CMIP: variants seen among roughly 807,000 people sequenced by gnomAD.
CMIP encodes the protein c-Maf inducing protein.
A neutral mutation model predicts 97.3 loss-of-function variants in CMIP; 13 were observed. That is an observed-to-expected ratio of 0.13 (90% CI 0.09 to 0.21). CMIP has a LOEUF of 0.21. Ranked by LOEUF, CMIP falls within the 10% of genes least tolerant of loss-of-function variation. CMIP has a pLI of 1.00. For missense variants in CMIP, 847 were observed against 1,024.9 expected (o/e 0.83, Z 2.37); for synonymous variants, 538 against 436.3 (o/e 1.23, Z -2.91).
At chr16:81,624,056 T>G (rs1030443806) in intron 3 of CMIP, among the ~76,000 whole-genome samples, 1 of 152,174 alleles carries the variant, frequency 6.6e-6, no homozygotes, top group African/African-American at 2.4e-5. Flanking sequence ...CCTCTTTATT[T>G]ACAACCACCT....
intron 1 of CMIP, among the ~76,000 whole-genome samples, chr16:81,549,858 A>G (rs1271072036): frequency 2.0e-5 from 3 of 152,154 alleles, no homozygotes; most frequent in African/African-American, 7.2e-5. Flanking sequence ...GCGCGTGCAT[A>G]TGCCAGTGTG....
At chr16:81,479,401 C>G (rs1157242689) in intron 1 of CMIP, among the ~76,000 whole-genome samples, 1 of 152,114 alleles carries the variant, frequency 6.6e-6, no homozygotes, top group Admixed American at 6.5e-5. Flanking sequence ...GTGTGCAGTT[C>G]ATTGAGTACG....
intron 16 of CMIP, among the ~76,000 whole-genome samples, 187 bp from the exon 17 acceptor site, chr16:81,702,435 C>A (rs1034316505): frequency 6.6e-6 from 1 of 152,110 alleles, no homozygotes; most frequent in Non-Finnish European, 1.5e-5. Flanking sequence ...TTCTTGGGAT[C>A]ACCCTCCAGT....
intron 1 of CMIP, among the ~76,000 whole-genome samples, chr16:81,557,586 G>A (rs2966113): frequency 0.79 from 119,618 of 152,134 alleles, 49,993 homozygotes; most frequent in Non-Finnish European, 0.91. Context: ...GGACTAGGCA[G>A]CACAGTGAGA....
chr16:81,628,003 C>T (rs2092098147), intron 3 of CMIP, among the ~76,000 whole-genome samples: 1 of 152,142 alleles, frequency 6.6e-6, no homozygotes, highest in African/African-American at 2.4e-5. Flanking sequence ...GATCCATCAC[C>T]CTCATCCCCA....
At chr16:81,502,837 A>G (rs1165433840) in intron 1 of CMIP, among the ~76,000 whole-genome samples, 2 of 152,200 alleles carry the variant, frequency 1.3e-5, no homozygotes, top group Non-Finnish European at 2.9e-5. Flanking sequence ...GTATTTAGAA[A>G]TTTCCATTCC....
rs1020147885 is a variant in CMIP, at chr16:81,616,973, C to T, written c.427-3903C>T. ...GGCCCAGGAGGAGAGATCTGTCAGC[C>T]ATCCCTGCCAACAACTCAGCAGTGG... On this transcript the variant is annotated intron_variant, in intron 2 of 20. Coordinates refer to ENST00000537098, the MANE Select transcript of CMIP (RefSeq NM_198390.3). This position sits in a 1 kb window ranked among gnomAD's most constrained non-coding sequence, Gnocchi z 4.7. 1.3e-5 allele frequency: 2 copies of T among 152,714 alleles called. No individual in the cohort carries two copies. The highest frequency in any genetic ancestry group is 2.9e-5 in the Non-Finnish European group (2 of 68,426). The allele number at this position is 152,714 out of a possible 1,614,324, so 9.5% of individuals were successfully genotyped here. A position where few individuals can be genotyped will look rare whatever the true frequency, so the allele number is the denominator to read the frequency against.
At chr16:81,465,741 A>G (rs974826985) in intron 1 of CMIP, among the ~76,000 whole-genome samples, 3 of 152,160 alleles carry the variant, frequency 2.0e-5, no homozygotes, top group Non-Finnish European at 4.4e-5. Flanking sequence ...CAGCACGGTG[A>G]GCTGTCCTTG....
Position 81,658,870 on chromosome 16 carries a change from C to T in CMIP, c.681+1054C>T, listed in dbSNP as rs79586109. The stretch of plus-strand genomic sequence containing the variant: ...ACTAGGCCCCTCACGCTCCTCTAGC[C>T]GAATCAGGGCCTTGGGGGACCCACT... On this transcript the variant is annotated intron_variant, in intron 5 of 20. Transcript: ENST00000537098. 5.8e-3 allele frequency among the ~76,000 whole-genome samples: 888 copies of T among 152,312 alleles called. 2 individuals carry two copies. Among genetic ancestry groups the T allele is most frequent in the Non-Finnish European group, 9.6e-3 (654 of 68,028 alleles).
chr16:81,707,231 G>C (rs1908251658), intron 20 of CMIP, 147 bp downstream of exon 20: 9 of 709,828 alleles, frequency 1.3e-5, no homozygotes, highest in Admixed American at 2.3e-5. Flanking sequence ...AGATCAAAAA[G>C]AGTGACAAAG....
chr16:81,520,829 A>G (rs1274991538), intron 1 of CMIP, among the ~76,000 whole-genome samples: 1 of 152,164 alleles, frequency 6.6e-6, no homozygotes, highest in African/African-American at 2.4e-5. Flanking sequence ...AATTAGGTTT[A>G]TAAGAAGGGT....
intron 1 of CMIP, among the ~76,000 whole-genome samples, chr16:81,487,332 T>C (rs909658252): frequency 2.0e-5 from 3 of 152,186 alleles, no homozygotes; most frequent in African/African-American, 7.2e-5. Flanking sequence ...CCTGGATTCC[T>C]GAGGTCCTGA....
Position 81,671,960 on chromosome 16 carries a change from T to C in CMIP, c.930-6T>C. On this transcript the variant is annotated splice_region_variant and splice_polypyrimidine_tract_variant and intron_variant, in intron 8 of 20. Transcript: ENST00000537098. ...CTTCTCACCCCAGCCCTCTGCTTTT[T>C]TCCAGCATGCACGGCCCCACAGGGC... 2 of 1,550,470 alleles carry C rather than the reference T, an allele frequency of 1.3e-6. No individual in the cohort carries two copies. The highest frequency in any genetic ancestry group is 1.2e-5 in the South Asian group (1 of 85,664).
chr16:81,626,818 G>T lies in CMIP; in HGVS notation c.477+5892G>T, dbSNP rs1053109236. Among the ~76,000 whole-genome samples the T allele has an allele frequency of 1.7e-4, 21 of 124,018 alleles. 1 individual carries two copies. Among genetic ancestry groups the T allele is most frequent in the Non-Finnish European group, 2.6e-4 (15 of 57,938 alleles). 81.4% of individuals were successfully genotyped at this position (124,018 alleles called of 152,430 possible). A position where few individuals can be genotyped will look rare whatever the true frequency, so the allele number is the denominator to read the frequency against. On this transcript the variant is annotated intron_variant, in intron 3 of 20. Transcript: ENST00000537098. ...GTGTGTGTGTGTGTGTGTGTGTGTGGGGTGCATATGGGGTGACTATTTTAT... is the reference window on the plus strand; with the variant it reads ...GTGTGTGTGTGTGTGTGTGTGTGTGTGGTGCATATGGGGTGACTATTTTAT...
rs1169160035 is a variant in CMIP at position 81,670,202 on chromosome 16, G to A, written c.886G>A (p.Glu296Lys). The stretch of plus-strand genomic sequence containing the variant: ...TCAGGAGTACATCCTTGCCTTGAAC[G>A]AGCTCAACGCGGGGATGGAAGTGGT... Reference protein sequence around the residue: ...FTQEYILALNELNAGMEVVKK... With the variant: ...FTQEYILALNKLNAGMEVVKK... The change falls in exon 8 of 21, where the codon GAG becomes AAG. Residue 296 changes from glutamate to lysine, a missense_variant. This residue lies in a region of CMIP where 285 missense variants were observed against 392.2 expected (regional missense o/e 0.73). Coordinates refer to ENST00000537098, the MANE Select transcript of CMIP (RefSeq NM_198390.3). 1.2e-6 allele frequency: 2 copies of A among 1,611,832 alleles called. No homozygotes were observed. Among genetic ancestry groups the A allele is most frequent in the Non-Finnish European group, 1.7e-6 (2 of 1,179,086 alleles).
At chr16:81,462,804 A>G (rs1344634430) in intron 1 of CMIP, among the ~76,000 whole-genome samples, 2 of 152,192 alleles carry the variant, frequency 1.3e-5, no homozygotes, top group Non-Finnish European at 2.9e-5. Context: ...GTTCTGCTGG[A>G]ATCAGGCAGA....
intron 8 of CMIP, 113 bp downstream of exon 8, chr16:81,670,358 A>G (rs1440569492): frequency 1.1e-5 from 13 of 1,133,558 alleles, no homozygotes; most frequent in Non-Finnish European, 1.5e-5. Flanking sequence ...GACTCCCTCT[A>G]TGAGGAAGCC....
In CMIP at chr16:81,600,737, C is replaced by T. The variant is rs762955561; in HGVS notation, c.301-6830C>T. Among the ~76,000 whole-genome samples, 32 of 152,144 alleles carry T rather than the reference C, an allele frequency of 2.1e-4. 1 individual carries two copies. Among genetic ancestry groups the T allele is most frequent in the African/African-American group, 1.4e-4 (6 of 41,410 alleles). ...CTTAAGTGATTAATGGTTAGTTTTA[C>T]GTTCTGTGAATTTTACTTTGAATTT... is the stretch of plus-strand genomic sequence containing the variant. On this transcript the variant is annotated intron_variant, in intron 1 of 20. Transcript: ENST00000537098.
intron 1 of CMIP, among the ~76,000 whole-genome samples, chr16:81,487,022 G>C (rs1404117234): frequency 6.6e-6 from 1 of 152,254 alleles, no homozygotes; most frequent in Non-Finnish European, 1.5e-5. Flanking sequence ...GGACTGGGGT[G>C]GGGGCAGCTG....
Sources: gnomAD v4.1 joint callset for allele counts (sites outside exome capture counted in the v4.1 genomes callset) on GRCh38, gnomAD v4.1.1 for gene constraint, gnomAD v4.1.1 regional missense constraint, Gnocchi (gnomAD v3.1) non-coding constraint, MANE v1.5 for transcripts, NCBI Gene and HGNC (gene_info 2026-07-23, HGNC 2026-07-21) for gene names.